The following GNA14 variants were observed in gnomAD, a reference collection of about 807,000 sequenced individuals.
The protein encoded by GNA14 is G protein subunit alpha 14, also known as guanine nucleotide-binding protein subunit alpha-14.
GNA14 carries 50 observed loss-of-function variants against 42.0 expected under a neutral mutation model. The observed-to-expected ratio is 1.19, with a 90% CI of 0.95 to 1.51. The LOEUF (loss-of-function observed/expected upper bound fraction) is 1.51. GNA14 is among the 40% of genes most tolerant of loss of function. The pLI, the probability that GNA14 is intolerant of heterozygous loss-of-function variation, is 0.00. For missense variants in GNA14, 473 were observed against 446.2 expected (o/e 1.06, Z -0.54); for synonymous variants, 173 against 163.1 (o/e 1.06, Z -0.46).
intron 3 of GNA14, 121 bp from the exon 4 acceptor site, chr9:77,431,570 A>G (rs1835556011): frequency 2.4e-6 from 2 of 843,382 alleles, no homozygotes; most frequent in South Asian, 2.0e-5. Flanking sequence ...AATTCCATCA[A>G]TGACTTTCCT....
rs141119416 is a variant in GNA14, at chr9:77,495,200, A to T, written c.309+33869T>A. Among the ~76,000 whole-genome samples the T allele has an allele frequency of 9.0e-4, 137 of 152,268 alleles. 2 individuals are homozygous for T. The East Asian group carries it at 0.023, about 26-fold the overall frequency. On this transcript the variant is annotated intron_variant, in intron 2 of 6. Coordinates refer to ENST00000341700, the MANE Select transcript of GNA14 (RefSeq NM_004297.4). ...TAGACCAAAGGAAGAACTCTGTAAG[A>T]TGCCAGGCTGCTACACAGCGAATGG...
In GNA14 at chr9:77,434,361, T is replaced by A. The variant is rs370780971; in HGVS notation, c.464+7A>T. ...CCGCGGGCGGCCAGGGTGGGCTCTG[T>A]ACTCACTATTTGGCAGAGTCCGACA... On this transcript the variant is annotated splice_region_variant and intron_variant, in intron 3 of 6. Coordinates refer to ENST00000341700, the MANE Select transcript of GNA14 (RefSeq NM_004297.4). 9.3e-6 allele frequency: 15 copies of A among 1,612,728 alleles called. No individual in the cohort carries two copies. The highest frequency in any genetic ancestry group is 1.3e-5 in the Non-Finnish European group (15 of 1,179,564).
At chr9:77,431,495 G>A in intron 3 of GNA14, 46 bp from the exon 4 acceptor site, 1 of 1,557,890 alleles carries the variant, frequency 6.4e-7, no homozygotes, top group Non-Finnish European at 8.8e-7. Flanking sequence ...TAGAGCAGGG[G>A]GAAATGTCCA....
At chr9:77,546,254 G>A (rs918101137) in intron 1 of GNA14, among the ~76,000 whole-genome samples, 5 of 141,980 alleles carry the variant, frequency 3.5e-5, no homozygotes, top group African/African-American at 5.2e-5. Context: ...TATCTAATCC[G>A]CACTCCTTAT....
chr9:77,614,072 C>T (rs1305190132), intron 1 of GNA14, among the ~76,000 whole-genome samples: 1 of 152,170 alleles, frequency 6.6e-6, no homozygotes, highest in Non-Finnish European at 1.5e-5. Flanking sequence ...AGTGATTTAA[C>T]ACAATTAAAA....
intron 1 of GNA14, among the ~76,000 whole-genome samples, chr9:77,609,470 C>T (rs2117940402): frequency 6.6e-6 from 1 of 152,308 alleles, no homozygotes; most frequent in African/African-American, 2.4e-5. Flanking sequence ...CCTCAAAACT[C>T]TTCCATGCTC....
At chr9:77,438,487 T>A (rs747032765) in intron 2 of GNA14, among the ~76,000 whole-genome samples, 1 of 152,056 alleles carries the variant, frequency 6.6e-6, no homozygotes, top group Non-Finnish European at 1.5e-5. Flanking sequence ...AGGCTGATCT[T>A]GAACTCCTGA....
chr9:77,586,080 G>A (rs114388108), intron 1 of GNA14, among the ~76,000 whole-genome samples: 2,867 of 152,012 alleles, frequency 0.019, 95 homozygotes, highest in African/African-American at 0.065. Flanking sequence ...CAACAGCCGC[G>A]CTCCCCTCTG....
intron 5 of GNA14, among the ~76,000 whole-genome samples, 165 bp from the exon 6 acceptor site, chr9:77,425,880 G>C (rs1214548198): frequency 6.6e-6 from 1 of 152,162 alleles, no homozygotes; most frequent in Non-Finnish European, 1.5e-5. Context: ...CAGGCCTCCT[G>C]CTTCTGTTTG....
At chr9:77,468,453 G>C (rs1231444401) in intron 2 of GNA14, among the ~76,000 whole-genome samples, 2 of 152,006 alleles carry the variant, frequency 1.3e-5, no homozygotes. Context: ...TTCTCTTTTT[G>C]GTCACTGTCT....
chr9:77,640,101 C>G (rs1316164887), intron 1 of GNA14, among the ~76,000 whole-genome samples: 3 of 152,224 alleles, frequency 2.0e-5, no homozygotes, highest in Non-Finnish European at 4.4e-5. Context: ...ATGCCACAAC[C>G]TGGCTATAAA....
intron 2 of GNA14, among the ~76,000 whole-genome samples, chr9:77,524,924 TC>T (rs1837411554): frequency 6.6e-6 from 1 of 152,174 alleles, no homozygotes; most frequent in Non-Finnish European, 1.5e-5. Context: ...ACAGAGCATG[TC>T]TCATTTAACA....
chr9:77,503,818 T>C (rs1837014398), intron 2 of GNA14, among the ~76,000 whole-genome samples: 1 of 151,944 alleles, frequency 6.6e-6, no homozygotes, highest in Non-Finnish European at 1.5e-5. Flanking sequence ...AGCTAATTTT[T>C]TTGTATTTTC....
intron 1 of GNA14, among the ~76,000 whole-genome samples, chr9:77,591,931 T>TG (rs1823397043): frequency 6.6e-6 from 1 of 151,370 alleles, no homozygotes; most frequent in South Asian, 2.1e-4. Flanking sequence ...TTTTTTTTTT[T>TG]TGAGATGGAG....
At chr9:77,497,730 TAC>T in intron 2 of GNA14, among the ~76,000 whole-genome samples, 1 of 152,016 alleles carries the variant, frequency 6.6e-6, no homozygotes, top group East Asian at 1.9e-4. Context: ...CATATGCATA[TAC>T]ATATTTATAT....
intron 2 of GNA14, among the ~76,000 whole-genome samples, chr9:77,508,838 G>GA (rs1837112691): frequency 6.6e-6 from 1 of 152,210 alleles, no homozygotes. Flanking sequence ...GAAGTAGCTT[G>GA]AAGGGGCTCC....
intron 2 of GNA14, among the ~76,000 whole-genome samples, chr9:77,506,554 G>A (rs1011479058): frequency 1.3e-5 from 2 of 152,042 alleles, no homozygotes; most frequent in Admixed American, 1.3e-4. Flanking sequence ...GCACATGTCT[G>A]TAGTCCCAGC....
chr9:77,506,757 C>T (rs947677052), intron 2 of GNA14, among the ~76,000 whole-genome samples: 1 of 152,190 alleles, frequency 6.6e-6, no homozygotes. Context: ...ACTCACAGCA[C>T]ATCTTGATTC....
At chr9:77,633,832 C>G (rs1824137028) in intron 1 of GNA14, among the ~76,000 whole-genome samples, 1 of 152,160 alleles carries the variant, frequency 6.6e-6, no homozygotes, top group African/African-American at 2.4e-5. Flanking sequence ...CCTCAATTTT[C>G]CCATCTGTAG....
Sources: allele counts gnomAD v4.1 joint callset (sites outside exome capture counted in the v4.1 genomes callset), GRCh38; gene constraint gnomAD v4.1.1; transcripts MANE v1.5; gene names NCBI Gene and HGNC (gene_info 2026-07-23, HGNC 2026-07-21).